The following AMBRA1 variants were observed in gnomAD, a reference collection of about 807,000 sequenced individuals.
AMBRA1 encodes the protein autophagy and beclin 1 regulator 1, also known as activating molecule in BECN1-regulated autophagy protein 1.
In AMBRA1, 47 loss-of-function variants were observed where a neutral mutation model predicts 125.4. That is an observed-to-expected ratio of 0.37 (90% confidence interval 0.30 to 0.48). The LOEUF is 0.48. Among genes scored for constraint, AMBRA1 ranks in the 20% least tolerant of loss-of-function variants. The pLI, the probability that AMBRA1 is intolerant of heterozygous loss-of-function variation, is 0.99. For missense variants in AMBRA1, 1,331 were observed against 1,693.4 expected, an observed-to-expected ratio of 0.79 and a Z score of 3.76; for synonymous variants, 626 against 655.5, an observed-to-expected ratio of 0.95 and a Z score of 0.69.
intron 1 of AMBRA1, among the ~76,000 whole-genome samples, chr11:46,551,265 T>C (rs948759947): frequency 2.6e-5 from 4 of 152,134 alleles, no homozygotes; most frequent in African/African-American, 9.7e-5. Context: ...AATGGATTAA[T>C]ACCTGTCAGT....
chr11:46,489,652 C>T (rs1950395639), intron 11 of AMBRA1, among the ~76,000 whole-genome samples: 1 of 152,132 alleles, frequency 6.6e-6, no homozygotes, highest in African/African-American at 2.4e-5. Context: ...AGCAGATGCT[C>T]ATTAGGATGA....
At chr11:46,410,885 A>G (rs190368871) in intron 15 of AMBRA1, among the ~76,000 whole-genome samples, 4 of 152,252 alleles carry the variant, frequency 2.6e-5, no homozygotes, top group Admixed American at 2.6e-4. Context: ...GGCAGATCAC[A>G]AGGTCACAAG....
At chr11:46,531,010 A>G (rs562448997) in intron 7 of AMBRA1, among the ~76,000 whole-genome samples, 229 of 152,202 alleles carry the variant, frequency 1.5e-3, no homozygotes, top group Non-Finnish European at 2.5e-3. Flanking sequence ...CAGCCTCCCA[A>G]GTAGTTGGGA....
intron 5 of AMBRA1, among the ~76,000 whole-genome samples, chr11:46,545,141 C>G (rs1157549564): frequency 4.9e-5 from 4 of 80,812 alleles, no homozygotes; most frequent in Non-Finnish European, 8.8e-5. Context: ...ACCCTGTCTC[C>G]TTAAAAAAAA....
At chr11:46,460,745 A>C (rs890368684) in intron 11 of AMBRA1, among the ~76,000 whole-genome samples, 2 of 152,216 alleles carry the variant, frequency 1.3e-5, no homozygotes, top group Non-Finnish European at 2.9e-5. Flanking sequence ...AAGATAATCA[A>C]AGGGGTCAAA....
At chr11:46,551,640 G>C (rs2043000891) in intron 1 of AMBRA1, among the ~76,000 whole-genome samples, 1 of 152,220 alleles carries the variant, frequency 6.6e-6, no homozygotes, top group African/African-American at 2.4e-5. Flanking sequence ...GGAGGCCAAG[G>C]TGGGCGGATC....
chr11:46,542,811 G>A lies in AMBRA1; in HGVS notation c.1206C>T (p.His402=), dbSNP rs1024654148. ...CTATTTCTCGGTGATACCTAGAAGG[G>A]TGGCTAGACAGAGGCCCTCCCAAAG... is the stretch of plus-strand genomic sequence containing the variant. ...RRSLGGPLSS[H]PSRYHREIAP... is the part of the protein sequence containing the mutation. Residue 402 remains histidine, a synonymous_variant, in exon 7 of 18, where the codon CAC becomes CAT. Coordinates refer to ENST00000683756, the MANE Select transcript of AMBRA1 (RefSeq NM_001387011.1). This position sits in a 1 kb window ranked among gnomAD's most constrained non-coding sequence, Gnocchi z 5.9. 4 of 1,613,946 alleles carry A rather than the reference G, an allele frequency of 2.5e-6. No homozygotes were observed. Among genetic ancestry groups the A allele is most frequent in the African/African-American group, 2.7e-5 (2 of 74,884 alleles).
At chr11:46,415,156 C>T (rs1381680803) in intron 15 of AMBRA1, among the ~76,000 whole-genome samples, 1 of 152,152 alleles carries the variant, frequency 6.6e-6, no homozygotes. Flanking sequence ...AGGCAGCTGC[C>T]TATGAGACAC....
intron 3 of AMBRA1, 88 bp downstream of exon 3, chr11:46,547,729 T>C (rs570928512): frequency 4.5e-5 from 60 of 1,329,354 alleles, no homozygotes; most frequent in Admixed American, 8.2e-5. Flanking sequence ...AGAGAGACTT[T>C]AGGGACTGAC....
At chr11:46,482,819 G>A (rs761934275) in intron 11 of AMBRA1, among the ~76,000 whole-genome samples, 4 of 151,878 alleles carry the variant, frequency 2.6e-5, no homozygotes, top group Non-Finnish European at 5.9e-5. Flanking sequence ...AACCAGCCTG[G>A]CCAACACAGT....
In AMBRA1 at chr11:46,580,261, TCTC is replaced by T. The variant is rs1442633481; in HGVS notation, c.-121+13564_-121+13566del. On this transcript the variant is annotated intron_variant, in intron 1 of 17. Coordinates refer to ENST00000683756, the MANE Select transcript of AMBRA1 (RefSeq NM_001387011.1). The stretch of plus-strand genomic sequence containing the variant: ...TCTTGAATTCCTTGGAGTGTGGTCT[TCTC>T]CTCCTACTCTATACTTGTTCTCTAG... Among the ~76,000 whole-genome samples, 13 of 152,294 alleles carry T rather than the reference TCTC, an allele frequency of 8.5e-5. No individual in the cohort carries two copies. The East Asian group carries it at 2.5e-3, about 29-fold the overall frequency.
Position 46,547,716 on chromosome 11 carries a change from T to G in AMBRA1, c.194+101A>C. Reference sequence around the variant, plus strand: ...GGCCAAAGTGCTGTTCATACAGTACTTCAGAGAGACTTTAGGGACTGACTT... The same window carrying G: ...GGCCAAAGTGCTGTTCATACAGTACGTCAGAGAGACTTTAGGGACTGACTT... On this transcript the variant is annotated intron_variant, in intron 3 of 17. Coordinates refer to ENST00000683756, the MANE Select transcript of AMBRA1 (RefSeq NM_001387011.1). The G allele has an allele frequency of 2.5e-6, 3 of 1,213,246 alleles. No homozygotes were observed. In the South Asian group the frequency reaches 3.9e-5, roughly 16 times the overall value. The allele number at this position is 1,213,246 out of a possible 1,614,324, so 75.2% of individuals were successfully genotyped here. A position where few individuals can be genotyped will look rare whatever the true frequency, so the allele number is the denominator to read the frequency against.
At chr11:46,582,050 G>A (rs1336032386) in intron 1 of AMBRA1, among the ~76,000 whole-genome samples, 2 of 148,694 alleles carry the variant, frequency 1.3e-5, no homozygotes, top group Non-Finnish European at 3.0e-5. Context: ...AGAAGGTCAA[G>A]ACTACAGTGA....
intron 7 of AMBRA1, chr11:46,518,403 C>A: frequency 6.8e-6 from 1 of 146,892 alleles, no homozygotes. Context: ...GTACTCCAGC[C>A]TAGGTGACAG....
chr11:46,409,881 G>A (rs1400405998), intron 16 of AMBRA1, among the ~76,000 whole-genome samples: 1 of 152,256 alleles, frequency 6.6e-6, no homozygotes, highest in African/African-American at 2.4e-5. Flanking sequence ...GGTGCCTCAA[G>A]AGGATTTGTC....
At chr11:46,544,110 G>T in intron 5 of AMBRA1, 69 bp from the exon 6 acceptor site, 1 of 1,300,962 alleles carries the variant, frequency 7.7e-7, no homozygotes, top group Non-Finnish European at 1.1e-6. Context: ...GAGGAAACTT[G>T]TGTTTGAATT....
At position 46,397,340 on chromosome 11, in the gene AMBRA1, C is replaced by T; in HGVS notation, c.*110G>A. 4 of 1,371,494 alleles carry T rather than the reference C, an allele frequency of 2.9e-6. No individual in the cohort carries two copies. Among genetic ancestry groups the T allele is most frequent in the Non-Finnish European group, 3.8e-6 (4 of 1,054,994 alleles). The allele number at this position is 1,371,494 out of a possible 1,614,324, so 85.0% of individuals were successfully genotyped here. ...CTCCACCCTGACCCTCTTCCTCCTC[C>T]TGTTCCCTGATGCAGCCAGCAGCTC... On this transcript the variant is annotated 3_prime_UTR_variant, in exon 18 of 18. Transcript: ENST00000683756.
chr11:46,448,924 C>G (rs1406378008), intron 11 of AMBRA1, among the ~76,000 whole-genome samples: 1 of 152,144 alleles, frequency 6.6e-6, no homozygotes, highest in African/African-American at 2.4e-5. Flanking sequence ...AGGCCTATAT[C>G]TATTAAATTG....
rs114996161 is a variant in AMBRA1, at chr11:46,468,193, T to C, written c.2522-24595A>G. Among the ~76,000 whole-genome samples the C allele has an allele frequency of 3.2e-3, 490 of 152,026 alleles. 6 individuals are homozygous for C. Among genetic ancestry groups the C allele is most frequent in the African/African-American group, 0.011 (469 of 41,472 alleles). On this transcript the variant is annotated intron_variant, in intron 11 of 17. Coordinates refer to ENST00000683756, the MANE Select transcript of AMBRA1 (RefSeq NM_001387011.1). ...TATAAGAACAATAGATGATAAAGAA[T>C]ATGCAGCAAGCAGTGCGTGGTGGGA...
Sources: allele counts gnomAD v4.1 joint callset (sites outside exome capture counted in the v4.1 genomes callset), GRCh38; gene constraint gnomAD v4.1.1; non-coding constraint Gnocchi (gnomAD v3.1); transcripts MANE v1.5; gene names NCBI Gene and HGNC (gene_info 2026-07-23, HGNC 2026-07-21).